Variants in LY96 observed in about 807,000 individuals in gnomAD.
LY96 encodes the protein lymphocyte antigen 96, also known as myeloid differentiation protein-2.
Under a neutral mutation model 18.9 loss-of-function variants are expected in LY96, and 18 were observed. The ratio of observed to expected loss-of-function variants is 0.95; its 90% CI spans 0.66 to 1.41. LY96 has a LOEUF of 1.41. LY96 is among the 40% of genes most tolerant of loss of function. The pLI is 0.00. For missense variants in LY96, 175 were observed against 182.4 expected (o/e 0.96, Z 0.23); for synonymous variants, 66 against 62.6 (o/e 1.06, Z -0.26).
the LY96 span, among the ~76,000 whole-genome samples, chr8:74,088,930 C>T: frequency 2.6e-5 from 4 of 152,136 alleles, no homozygotes; most frequent in Non-Finnish European, 5.9e-5. Flanking sequence ...GTTAATTTAA[C>T]AATTGTATCC....
At chr8:74,086,920 G>C in the LY96 span, among the ~76,000 whole-genome samples, 1 of 152,210 alleles carries the variant, frequency 6.6e-6, no homozygotes, top group South Asian at 2.1e-4. Flanking sequence ...CAGTGTTTAG[G>C]CCTGTGAGAA....
In LY96 at chr8:74,014,812, T is replaced by TACACACAC. The variant is rs111566455; in HGVS notation, c.331+4711_331+4718dup. Among the ~76,000 whole-genome samples the TACACACAC allele has an allele frequency of 5.7e-3, 819 of 144,766 alleles. 6 individuals carry two copies. The highest frequency in any genetic ancestry group is 0.016 in the African/African-American group (636 of 39,046). 95.0% of individuals were successfully genotyped at this position (144,766 alleles called of 152,430 possible). On this transcript the variant is annotated intron_variant, in intron 3 of 4. Coordinates refer to ENST00000284818, the MANE Select transcript of LY96 (RefSeq NM_015364.5). ...AAAGTTACCCATAATCTCACCAGTT[T>TACACACAC]ACACACACACACACACACACACACA... is the stretch of plus-strand genomic sequence containing the variant.
At chr8:74,099,564 C>A in the LY96 span, 1 of 152,190 alleles carries the variant, frequency 6.6e-6, no homozygotes, top group African/African-American at 2.4e-5. Context: ...AAAACTCCAC[C>A]CTGGGATTAT....
At chr8:74,075,188 C>A in the LY96 span, among the ~76,000 whole-genome samples, 2 of 152,122 alleles carry the variant, frequency 1.3e-5, no homozygotes, top group African/African-American at 4.8e-5. Flanking sequence ...ATATACTTAA[C>A]AATTATTATA....
the LY96 span, among the ~76,000 whole-genome samples, chr8:74,084,227 G>A: frequency 6.6e-6 from 1 of 152,152 alleles, no homozygotes; most frequent in Non-Finnish European, 1.5e-5. Context: ...AGGTGGTAGT[G>A]TGTGTACTTC....
At chr8:74,049,716 G>A in the LY96 span, among the ~76,000 whole-genome samples, 15 of 152,206 alleles carry the variant, frequency 9.9e-5, no homozygotes, top group Non-Finnish European at 2.1e-4. Context: ...TTCCATGAGA[G>A]TTGGGAAGCA....
intron 3 of LY96, among the ~76,000 whole-genome samples, chr8:74,021,598 G>A (rs1816761428): frequency 6.6e-6 from 1 of 152,162 alleles, no homozygotes. Context: ...TATAAATCAT[G>A]CTACTATGAA....
chr8:74,024,697 G>GA (rs1816832243), intron 3 of LY96, among the ~76,000 whole-genome samples: 1 of 152,098 alleles, frequency 6.6e-6, no homozygotes, highest in Non-Finnish European at 1.5e-5. Context: ...TCTGGCCCCA[G>GA]AGCCATCACT....
the LY96 span, among the ~76,000 whole-genome samples, chr8:74,091,257 C>T: frequency 6.6e-6 from 1 of 152,206 alleles, no homozygotes; most frequent in Non-Finnish European, 1.5e-5. Context: ...CCATCTTTCT[C>T]CACCCAGAAA....
At chr8:74,064,947 T>C in the LY96 span, among the ~76,000 whole-genome samples, 1 of 152,186 alleles carries the variant, frequency 6.6e-6, no homozygotes, top group Non-Finnish European at 1.5e-5. Flanking sequence ...GGTAGAGGTT[T>C]GGTGAAGAAA....
chr8:73,991,588 T>TGCTA, intron 1 of LY96, 34 bp downstream of exon 1: 2 of 1,249,886 alleles, frequency 1.6e-6, no homozygotes, highest in Non-Finnish European at 2.4e-6. Context: ...AATTGTAGCA[T>TGCTA]CAACTATTTT....
Position 74,004,492 on chromosome 8 carries a change from A to G in LY96, c.113-304A>G, listed in dbSNP as rs116852552. Among the ~76,000 whole-genome samples, 893 of 152,230 alleles carry G rather than the reference A, an allele frequency of 5.9e-3. 17 individuals are homozygous for G. Among genetic ancestry groups the G allele is most frequent in the Admixed American group, 0.027 (416 of 15,290 alleles). On this transcript the variant is annotated intron_variant, in intron 1 of 4. Coordinates refer to ENST00000284818, the MANE Select transcript of LY96 (RefSeq NM_015364.5). ...ATTAGACAGTGTCCCAAGTCTCCCT[A>G]CTGGCTTTGTTGAATCTGGTTTTGT...
At chr8:74,098,478 C>T in the LY96 span, among the ~76,000 whole-genome samples, 8 of 152,222 alleles carry the variant, frequency 5.3e-5, no homozygotes, top group Admixed American at 2.0e-4. Context: ...TGGGCTCAAG[C>T]GATTCTCATG....
At chr8:74,027,249 A>T (rs1406933152) in intron 4 of LY96, among the ~76,000 whole-genome samples, 3 of 151,098 alleles carry the variant, frequency 2.0e-5, no homozygotes, top group African/African-American at 7.3e-5. Flanking sequence ...TGACAATTTC[A>T]TGAATAGCAG....
At chr8:74,068,089 A>AATATATATATATATATATATATATAT in the LY96 span, among the ~76,000 whole-genome samples, 8 of 67,914 alleles carry the variant, frequency 1.2e-4, no homozygotes, top group African/African-American at 5.8e-4. Context: ...AAAAAAAAAA[A>AATATATATATATATATATATATATAT]ATATATATAT....
chr8:74,087,545 G>T, the LY96 span, among the ~76,000 whole-genome samples: 2 of 152,150 alleles, frequency 1.3e-5, no homozygotes, highest in Non-Finnish European at 2.9e-5. Context: ...TCTTGGTGTG[G>T]TCTACACTTG....
chr8:74,039,387 A>C, the LY96 span, among the ~76,000 whole-genome samples: 1 of 152,074 alleles, frequency 6.6e-6, no homozygotes, highest in South Asian at 2.1e-4. Flanking sequence ...TGTAGGGTTC[A>C]GCCCTAGGGG....
downstream of LY96, among the ~76,000 whole-genome samples, chr8:74,033,422 A>G (rs1327363331): frequency 6.6e-6 from 1 of 152,238 alleles, no homozygotes. Context: ...AAATTAAGAT[A>G]AAGATTGACA....
chr8:74,086,998 G>T, the LY96 span, among the ~76,000 whole-genome samples: 1 of 152,194 alleles, frequency 6.6e-6, no homozygotes, highest in Admixed American at 6.5e-5. Flanking sequence ...TATGGACTAA[G>T]TCAGGGCATC....
Sources: gnomAD v4.1 joint callset for allele counts (sites outside exome capture counted in the v4.1 genomes callset) on GRCh38, gnomAD v4.1.1 for gene constraint, MANE v1.5 for transcripts, NCBI Gene and HGNC (gene_info 2026-07-23, HGNC 2026-07-21) for gene names.